The following DMD variants were observed in gnomAD, a reference collection of about 807,000 sequenced individuals.
DMD encodes dystrophin.
A neutral mutation model predicts 330.1 loss-of-function variants in DMD; 63 were observed. The ratio of observed to expected loss-of-function variants is 0.19; its 90% CI spans 0.16 to 0.24. The LOEUF is 0.24. DMD is among the 10% of genes least tolerant of loss of function. The probability of loss-of-function intolerance (pLI) is 1.00; values close to 1 mark genes in which losing one functional copy is unlikely to be tolerated. For synonymous variants in DMD, 1,223 were observed against 959.8 expected (o/e 1.27, Z -5.07); for missense variants, 3,344 against 2,684.1 (o/e 1.25, Z -5.43).
chrX:32,437,175 G>A (rs749312330), intron 29 of DMD, among the ~76,000 whole-genome samples: 1 of 112,022 alleles, frequency 8.9e-6, no homozygotes, highest in Non-Finnish European at 1.9e-5. Context: ...GTGCAACAAT[G>A]ATGAAGGACC....
chrX:32,288,334 T>C (rs949370296), intron 42 of DMD, among the ~76,000 whole-genome samples: 5 of 111,996 alleles, frequency 4.5e-5, no homozygotes, highest in African/African-American at 9.7e-5. Context: ...ATTACTCAGA[T>C]TGACAACTTT....
chrX:32,190,801 C>G (rs1336366117), intron 44 of DMD, among the ~76,000 whole-genome samples: 1 of 108,898 alleles, frequency 9.2e-6, no homozygotes, highest in Non-Finnish European at 1.9e-5. Context: ...CTTCAACATT[C>G]TCTAAGTAGG....
intron 44 of DMD, among the ~76,000 whole-genome samples, chrX:31,978,217 T>C (rs113629756): frequency 0.083 from 9,260 of 111,596 alleles, 288 homozygotes; most frequent in East Asian, 0.15. Flanking sequence ...TTTCTTATAT[T>C]CATTACATTA....
chrX:33,033,933 T>C (rs762261407), intron 1 of DMD, among the ~76,000 whole-genome samples: 10 of 112,190 alleles, frequency 8.9e-5, no homozygotes, highest in African/African-American at 3.2e-4. Flanking sequence ...TTCATCTTCA[T>C]AAATTGTAAA....
In DMD at chrX:32,828,031, C is replaced by A. The variant is rs189739306; in HGVS notation, c.265-4644G>T. Among the ~76,000 whole-genome samples the A allele has an allele frequency of 5.3e-3, 587 of 111,271 alleles. 1 individual carries two copies. The highest frequency in any genetic ancestry group is 8.4e-3 in the South Asian group (22 of 2,627). On this transcript the variant is annotated intron_variant, in intron 4 of 78. Coordinates refer to ENST00000357033, the MANE Select transcript of DMD (RefSeq NM_004006.3). ...TCATGCACTAGTTTGCTAAGGATAACGGCTCCAGCTGCATCCATGTTGCTA... is the reference window on the plus strand; with the variant it reads ...TCATGCACTAGTTTGCTAAGGATAAAGGCTCCAGCTGCATCCATGTTGCTA...
chrX:31,461,452 G>A (rs760248577), intron 59 of DMD, among the ~76,000 whole-genome samples: 1 of 111,668 alleles, frequency 9.0e-6, no homozygotes. Context: ...TGTATGCTGA[G>A]GTGAGAACCA....
chrX:32,714,854 G>A (rs2065532771), intron 7 of DMD, among the ~76,000 whole-genome samples: 1 of 111,466 alleles, frequency 9.0e-6, no homozygotes, highest in Non-Finnish European at 1.9e-5. Context: ...GTATACACAT[G>A]ATGCTATAAG....
At chrX:31,824,075 A>G (rs890119951) in intron 49 of DMD, among the ~76,000 whole-genome samples, 19 of 111,503 alleles carry the variant, frequency 1.7e-4, no homozygotes, top group African/African-American at 6.2e-4. Context: ...CAAAACACAG[A>G]AAAACAAACA....
chrX:32,319,225 T>C (rs769749886), intron 41 of DMD, among the ~76,000 whole-genome samples: 1 of 110,942 alleles, frequency 9.0e-6, no homozygotes, highest in Non-Finnish European at 1.9e-5. Flanking sequence ...CCAAGATAAG[T>C]ATCAACACAT....
intron 7 of DMD, among the ~76,000 whole-genome samples, chrX:32,799,585 A>T (rs2148677819): frequency 9.5e-6 from 1 of 105,331 alleles, no homozygotes; most frequent in South Asian, 4.0e-4. Context: ...CTCTCTTAAT[A>T]TAGGGAGGAT....
chrX:31,933,959 AT>A (rs5901998), intron 45 of DMD, among the ~76,000 whole-genome samples: 46,263 of 99,878 alleles, frequency 0.46, 8,994 homozygotes, highest in African/African-American at 0.73. Flanking sequence ...ATGATTAGCT[AT>A]TTTTTTTTTT....
chrX:31,208,939 C>CG (rs2044363402), intron 65 of DMD, among the ~76,000 whole-genome samples: 1 of 111,161 alleles, frequency 9.0e-6, no homozygotes, highest in South Asian at 3.8e-4. Context: ...TGAATGGAGG[C>CG]GCCAAACTGA....
chrX:31,177,427 C>A (rs1027297167), intron 71 of DMD, among the ~76,000 whole-genome samples: 4 of 111,328 alleles, frequency 3.6e-5, no homozygotes, highest in Admixed American at 9.6e-5. Context: ...AGTCCGCACA[C>A]CTCATTAAAA....
chrX:32,230,267 C>T (rs1257618849), intron 43 of DMD, among the ~76,000 whole-genome samples: 1 of 111,811 alleles, frequency 8.9e-6, no homozygotes, highest in East Asian at 2.8e-4. Flanking sequence ...ATTTTTGAGA[C>T]GGAGTCTCGC....
chrX:32,617,195 C>T (rs1210940745), intron 11 of DMD, among the ~76,000 whole-genome samples: 1 of 110,015 alleles, frequency 9.1e-6, no homozygotes, highest in Non-Finnish European at 1.9e-5. Context: ...TCTTAGTATA[C>T]CCATATATGA....
intron 53 of DMD, among the ~76,000 whole-genome samples, chrX:31,660,279 T>C (rs2081050763): frequency 2.7e-5 from 3 of 112,041 alleles, no homozygotes; most frequent in Admixed American, 1.9e-4. Context: ...AGCATTACAG[T>C]TTCTATTCTC....
intron 41 of DMD, among the ~76,000 whole-genome samples, chrX:32,312,595 G>T (rs936511888): frequency 4.5e-5 from 5 of 110,056 alleles, no homozygotes; most frequent in African/African-American, 1.6e-4. Context: ...TTTGCAGAAA[G>T]GAACGTTAAA....
At chrX:31,190,172 G>A (rs1232605600) in intron 67 of DMD, among the ~76,000 whole-genome samples, 1 of 111,855 alleles carries the variant, frequency 8.9e-6, no homozygotes, top group Non-Finnish European at 1.9e-5. Context: ...GAAAAACATC[G>A]CCAAATATGT....
intron 4 of DMD, among the ~76,000 whole-genome samples, chrX:32,835,469 G>T (rs2079532793): frequency 8.9e-6 from 1 of 112,598 alleles, no homozygotes. Flanking sequence ...TTTGCTCTCA[G>T]CAAATACCGC....
Sources: gnomAD v4.1 joint callset for allele counts (sites outside exome capture counted in the v4.1 genomes callset) on GRCh38, gnomAD v4.1.1 for gene constraint, MANE v1.5 for transcripts, NCBI Gene and HGNC (gene_info 2026-07-23, HGNC 2026-07-21) for gene names.